MSL2: variants seen among roughly 807,000 people sequenced by gnomAD.
The protein encoded by MSL2 is E3 ubiquitin-protein ligase MSL2.
In MSL2, 2 loss-of-function variants were observed where a neutral mutation model predicts 35.8. The observed-to-expected ratio is 0.06, with a 90% CI of 0.02 to 0.18. The LOEUF is 0.18. Ranked by LOEUF, MSL2 falls within the 10% of genes least tolerant of loss-of-function variation. The probability of loss-of-function intolerance (pLI) is 1.00; values close to 1 mark genes in which losing one functional copy is unlikely to be tolerated. For missense variants in MSL2, 523 were observed against 706.7 expected (o/e 0.74, Z 2.95); for synonymous variants, 296 against 255.7 (o/e 1.16, Z -1.50).
chr3:136,193,608 G>A (rs1215054444), intron 1 of MSL2, among the ~76,000 whole-genome samples: 2 of 150,610 alleles, frequency 1.3e-5, no homozygotes, highest in Non-Finnish European at 3.0e-5. Context: ...CTCCATAAAA[G>A]TGGGAGTAGA....
intron 1 of MSL2, among the ~76,000 whole-genome samples, chr3:136,184,061 A>T (rs115976517): frequency 0.15 from 22,540 of 151,532 alleles, 2,051 homozygotes; most frequent in East Asian, 0.27. Flanking sequence ...TTTGGGAGGC[A>T]AAGGCGGGCG....
intron 1 of MSL2, among the ~76,000 whole-genome samples, chr3:136,172,185 T>G (rs565518961): frequency 1.3e-5 from 2 of 152,294 alleles, no homozygotes; most frequent in East Asian, 3.9e-4. Flanking sequence ...TTATGTCAAT[T>G]TTTTCATGCT....
intron 1 of MSL2, among the ~76,000 whole-genome samples, chr3:136,173,078 GC>G (rs1940072288): frequency 6.6e-6 from 1 of 152,118 alleles, no homozygotes; most frequent in South Asian, 2.1e-4. Flanking sequence ...CACAAAAATC[GC>G]TTGAACCCAG....
At position 136,195,169 on chromosome 3, in the gene MSL2, T is replaced by C. The variant is rs766871304; in HGVS notation, c.-56A>G. 6.6e-5 allele frequency: 103 copies of C among 1,563,996 alleles called. No homozygotes were observed. The highest frequency in any genetic ancestry group is 4.2e-5 in the Non-Finnish European group (49 of 1,157,216). On this transcript the variant is annotated 5_prime_UTR_variant, in exon 1 of 2. Transcript: ENST00000309993. The stretch of plus-strand genomic sequence containing the variant: ...TTGAAAAGAAATTCCGGATCCAACT[T>C]AGTAAGCAGCCAGGGAACGATGGCG...
At chr3:136,194,820 C>G in intron 1 of MSL2, 152 bp downstream of exon 1, 1 of 1,262,510 alleles carries the variant, frequency 7.9e-7, no homozygotes, top group Non-Finnish European at 1.1e-6. Context: ...GCAAAAGTCC[C>G]TCAGCAAGTT....
At chr3:136,188,631 G>A (rs942640007) in intron 1 of MSL2, among the ~76,000 whole-genome samples, 3 of 149,790 alleles carry the variant, frequency 2.0e-5, no homozygotes, top group African/African-American at 7.4e-5. Flanking sequence ...TATGCCTGTA[G>A]TGTCAGCTAC....
At chr3:136,154,288 T>C (rs139833156) in intron 1 of MSL2, among the ~76,000 whole-genome samples, 110 of 152,332 alleles carry the variant, frequency 7.2e-4, no homozygotes, top group Admixed American at 1.4e-3. Flanking sequence ...AAAACGACCA[T>C]GGTTTAATTA....
intron 1 of MSL2, among the ~76,000 whole-genome samples, chr3:136,175,429 C>T (rs1017541068): frequency 2.0e-5 from 3 of 151,524 alleles, no homozygotes; most frequent in Admixed American, 6.6e-5. Flanking sequence ...CTCACACTTA[C>T]AATACCAGCA....
At chr3:136,183,955 C>A (rs1940437688) in intron 1 of MSL2, among the ~76,000 whole-genome samples, 1 of 152,180 alleles carries the variant, frequency 6.6e-6, no homozygotes, top group Admixed American at 6.6e-5. Context: ...TGACTCTTAT[C>A]CAGGTAATAA....
Position 136,195,733 on chromosome 3 carries a change from G to T in MSL2, c.-620C>A, listed in dbSNP as rs576131495. On this transcript the variant is annotated 5_prime_UTR_variant, in exon 1 of 2. Coordinates refer to ENST00000309993, the MANE Select transcript of MSL2 (RefSeq NM_018133.4). ...CCGCCGCGCTCTCCATATCGGACGC[G>T]GGGCCCAGACTGCGCCCTGGCTCTC... 1.0e-5 allele frequency: 10 copies of T among 985,118 alleles called. No individual in the cohort carries two copies. The highest frequency in any genetic ancestry group is 1.2e-5 in the Non-Finnish European group (10 of 829,826). The allele number at this position is 985,118 out of a possible 1,614,324, so 61.0% of individuals were successfully genotyped here. A position where few individuals can be genotyped will look rare whatever the true frequency, so the allele number is the denominator to read the frequency against.
chr3:136,188,700 T>C (rs1177950892), intron 1 of MSL2, among the ~76,000 whole-genome samples: 2 of 134,096 alleles, frequency 1.5e-5, no homozygotes, highest in Admixed American at 8.4e-5. Flanking sequence ...CACTCCAGCC[T>C]GGGGAAGAGA....
At chr3:136,192,258 T>C (rs1053737342) in intron 1 of MSL2, among the ~76,000 whole-genome samples, 5 of 152,324 alleles carry the variant, frequency 3.3e-5, no homozygotes, top group Middle Eastern at 3.4e-3. Flanking sequence ...CTGCAACCTC[T>C]GCCTCCCAGG....
In MSL2 at chr3:136,152,486, A is replaced by G; in HGVS notation, c.395T>C (p.Leu132Ser). ...AVDCSSDILA[L>S]LNDGSLFCEE... ...ACAAAACAATGATCCATCATTAAGC[A>G]AAGCCAAAATATCAGAAGAACAGTC... Residue 132 changes from leucine (L) to serine (S), a missense_variant, in exon 2 of 2, where the codon TTG becomes TCG. This residue lies in a region of MSL2 where 361 missense variants were observed against 414.6 expected (regional missense o/e 0.87). Transcript: ENST00000309993. 1 of 1,614,260 alleles carries G rather than the reference A, an allele frequency of 6.2e-7. No homozygotes were observed. Among genetic ancestry groups the G allele is most frequent in the East Asian group, 2.2e-5 (1 of 44,884 alleles).
intron 1 of MSL2, 150 bp from the exon 2 acceptor site, chr3:136,152,888 G>T (rs934848536): frequency 4.4e-5 from 63 of 1,431,598 alleles, no homozygotes; most frequent in Non-Finnish European, 5.4e-5. Context: ...TAGAAGAAAC[G>T]GAAGAATCTT....
At chr3:136,177,604 A>G (rs1484747157) in intron 1 of MSL2, among the ~76,000 whole-genome samples, 3 of 150,822 alleles carry the variant, frequency 2.0e-5, no homozygotes, top group Non-Finnish European at 4.4e-5. Context: ...GCATGAACCC[A>G]GGAGGCAGAG....
chr3:136,176,404 A>G (rs554457835), intron 1 of MSL2, among the ~76,000 whole-genome samples: 2 of 150,096 alleles, frequency 1.3e-5, no homozygotes, highest in East Asian at 3.9e-4. Flanking sequence ...AATCCCAGCT[A>G]CTCGGGAGGG....
rs2108057081 is a variant in MSL2, at chr3:136,151,646, T to C, written c.1235A>G (p.His412Arg). The change falls in exon 2 of 2, where the codon CAT becomes CGT. Residue 412 changes from histidine (H) to arginine (R), a missense_variant. Coordinates refer to ENST00000309993, the MANE Select transcript of MSL2 (RefSeq NM_018133.4). This position sits in a 1 kb window ranked among gnomAD's most constrained non-coding sequence, Gnocchi z 5.2. ...GTGAGATTTCTTGGATCCATGTTCA[T>C]GACTCTTTTTCATGCTTTTAGTAGA... is the stretch of plus-strand genomic sequence containing the variant. ...LLSTKSMKKS[H>R]EHGSKKSHSK... 6.2e-7 allele frequency: 1 copy of C among 1,614,222 alleles called. No individual in the cohort carries two copies. Among genetic ancestry groups the C allele is most frequent in the Non-Finnish European group, 8.5e-7 (1 of 1,180,046 alleles).
chr3:136,171,927 T>C (rs758983081), intron 1 of MSL2, among the ~76,000 whole-genome samples: 7 of 152,152 alleles, frequency 4.6e-5, no homozygotes, highest in Non-Finnish European at 1.0e-4. Context: ...CCCACTCTGT[T>C]GCCCAGTCGC....
intron 1 of MSL2, among the ~76,000 whole-genome samples, chr3:136,169,401 T>TG (rs1939954310): frequency 6.6e-6 from 1 of 152,146 alleles, no homozygotes; most frequent in African/African-American, 2.4e-5. Flanking sequence ...TTCCTTGTGT[T>TG]GGGAACATTC....
Sources: allele counts gnomAD v4.1 joint callset (sites outside exome capture counted in the v4.1 genomes callset), GRCh38; gene constraint gnomAD v4.1.1; regional missense constraint gnomAD v4.1.1; non-coding constraint Gnocchi (gnomAD v3.1); transcripts MANE v1.5; gene names NCBI Gene and HGNC (gene_info 2026-07-23, HGNC 2026-07-21).